The following CNOT9 variants were observed in gnomAD, a reference collection of about 807,000 sequenced individuals.
CNOT9 encodes the protein CCR4-NOT transcription complex subunit 9.
A neutral mutation model predicts 37.4 loss-of-function variants in CNOT9; 8 were observed. That is an observed-to-expected ratio of 0.21 (90% CI 0.13 to 0.39). The LOEUF is 0.39. CNOT9 is among the 10% of genes least tolerant of loss of function. The pLI is 1.00. For synonymous variants in CNOT9, 120 were observed against 137.6 expected (o/e 0.87, Z 0.90); for missense variants, 154 against 365.3 (o/e 0.42, Z 4.71).
At chr2:218,583,824 C>T (rs1480578385) in intron 3 of CNOT9, among the ~76,000 whole-genome samples, 1 of 152,134 alleles carries the variant, frequency 6.6e-6, no homozygotes, top group Admixed American at 6.6e-5. Context: ...AAATCTTGGG[C>T]GTTGGCTCTT....
intron 5 of CNOT9, among the ~76,000 whole-genome samples, chr2:218,590,108 C>G (rs1694724999): frequency 6.6e-6 from 1 of 151,916 alleles, no homozygotes; most frequent in South Asian, 2.1e-4. Context: ...CACTCTGTCA[C>G]CCAGGCTGGA....
chr2:218,594,482 C>T lies in CNOT9; in HGVS notation c.*206C>T, dbSNP rs1164471447. The T allele has an allele frequency of 3.5e-6, 2 of 576,598 alleles. No individual in the cohort carries two copies. Among genetic ancestry groups the T allele is most frequent in the Non-Finnish European group, 6.0e-6 (2 of 332,362 alleles). 35.7% of individuals were successfully genotyped at this position (576,598 alleles called of 1,614,324 possible). On this transcript the variant is annotated 3_prime_UTR_variant, in exon 8 of 8. Coordinates refer to ENST00000273064, the MANE Select transcript of CNOT9 (RefSeq NM_005444.3). ...AGGACCTGGGCTCCCTCTGCTACTC[C>T]CAGGAAATGGGCTCCTGACACAGCA... is the stretch of plus-strand genomic sequence containing the variant.
chr2:218,580,931 A>C (rs1694350124), intron 2 of CNOT9, 191 bp downstream of exon 2: 1 of 674,818 alleles, frequency 1.5e-6, no homozygotes, highest in East Asian at 2.9e-5. Flanking sequence ...CAAGAGATTC[A>C]ATTTAGTCAG....
chr2:218,585,080 T>G (rs1016799784), intron 4 of CNOT9, among the ~76,000 whole-genome samples: 1 of 152,048 alleles, frequency 6.6e-6, no homozygotes, highest in Non-Finnish European at 1.5e-5. Flanking sequence ...CTCTCTTCTC[T>G]TCTCTTCTTT....
At position 218,575,431 on chromosome 2, in the gene CNOT9, G is replaced by C. The variant is rs571012849; in HGVS notation, c.25-5130G>C. On this transcript the variant is annotated intron_variant, in intron 1 of 7. Transcript: ENST00000273064. ...AGATGAGTCTTGCTCTGTAGCTCAG[G>C]CTGGAGTACAGTGGCTCAGGCTGGA... Among the ~76,000 whole-genome samples the C allele has an allele frequency of 3.1e-3, 462 of 147,824 alleles. 1 individual carries two copies. The highest frequency in any genetic ancestry group is 0.011 in the African/African-American group (444 of 39,770).
chr2:218,581,173 T>C (rs1694363316), intron 2 of CNOT9: 76 of 235,726 alleles, frequency 3.2e-4, no homozygotes, highest in Non-Finnish European at 4.6e-4. Flanking sequence ...TGTTTTTCTT[T>C]TTTTTTTTTT....
At chr2:218,593,812 C>A in intron 7 of CNOT9, 1 of 1,230,894 alleles carries the variant, frequency 8.1e-7, no homozygotes, top group East Asian at 2.8e-5. Context: ...AGTATTTTGA[C>A]AGTATTTAAT....
chr2:218,587,778 AG>A, intron 5 of CNOT9, 83 bp downstream of exon 5: 1 of 592,360 alleles, frequency 1.7e-6, no homozygotes, highest in Non-Finnish European at 2.7e-6. Flanking sequence ...TCTCTCTTCA[AG>A]CTTTTGAAAT....
chr2:218,568,897 AG>A lies in CNOT9; in HGVS notation c.-52del, dbSNP rs2106072774. On this transcript the variant is annotated 5_prime_UTR_variant, in exon 1 of 8. Transcript: ENST00000273064. ...TTGTTTTCCGCTGCAGGGGTGCTGAAGGGGGGACGCGGGTCGGACGCGTCCG... is the reference window on the plus strand; with the variant it reads ...TTGTTTTCCGCTGCAGGGGTGCTGAAGGGGGACGCGGGTCGGACGCGTCCG... The A allele has an allele frequency of 1.9e-6, 3 of 1,583,352 alleles. No homozygotes were observed. The highest frequency in any genetic ancestry group is 1.7e-6 in the Non-Finnish European group (2 of 1,163,088).
chr2:218,594,197 G>T lies in CNOT9; in HGVS notation c.821G>T (p.Arg274Leu). The change falls in exon 8 of 8, where the codon CGC (arginine) becomes CTC (leucine). Residue 274 changes from arginine (R) to leucine (L), a missense_variant. By Grantham distance (102) the Arg-to-Leu change is moderately radical (BLOSUM62 -2). Around this residue, in one of 2 missense-constraint regions of CNOT9, gnomAD observed 117 missense variants for 325.4 expected, o/e 0.36. Coordinates refer to ENST00000273064, the MANE Select transcript of CNOT9 (RefSeq NM_005444.3). ...CTAAAAGATGACACCACCACGAAAC[G>T]CTGGCTTGCACAACTGGTGAAGAAC... ...QVLKDDTTTK[R>L]WLAQLVKNLQ... The T allele has an allele frequency of 6.2e-7, 1 of 1,614,228 alleles. No homozygotes were observed.
chr2:218,574,572 A>T (rs1234195736), intron 1 of CNOT9, among the ~76,000 whole-genome samples: 1 of 152,214 alleles, frequency 6.6e-6, no homozygotes, highest in Non-Finnish European at 1.5e-5. Context: ...AGAGAAGTAG[A>T]GTTTCAGTCT....
chr2:218,581,170 CTTTTT>C (rs5838702), intron 2 of CNOT9: 29 of 246,016 alleles, frequency 1.2e-4, no homozygotes, highest in South Asian at 1.8e-4. Context: ...GTTTGTTTTT[CTTTTT>C]TTTTTTTTTT....
chr2:218,594,062 G>C (rs971706413), intron 7 of CNOT9, 46 bp from the exon 8 acceptor site: 2 of 1,595,054 alleles, frequency 1.3e-6, no homozygotes. Flanking sequence ...CAAAATGTGG[G>C]TTTATTTGTT....
chr2:218,592,900 T>C lies in CNOT9; in HGVS notation c.731+193T>C, dbSNP rs749100073. On this transcript the variant is annotated intron_variant, in intron 7 of 7. Transcript: ENST00000273064. This position sits in a 1 kb window ranked among gnomAD's most constrained non-coding sequence, Gnocchi z 4.1. Reference sequence around the variant, plus strand: ...TTTAGTAGCCATCAGTTTCATCTTCTCACTGTAACTCTCCATCCTACTGTG... The same window carrying C: ...TTTAGTAGCCATCAGTTTCATCTTCCCACTGTAACTCTCCATCCTACTGTG... The C allele has an allele frequency of 2.2e-5, 13 of 583,160 alleles. No individual in the cohort carries two copies. The highest frequency in any genetic ancestry group is 4.6e-4 in the Middle Eastern group (1 of 2,180). 36.1% of individuals were successfully genotyped at this position (583,160 alleles called of 1,614,324 possible).
intron 7 of CNOT9, chr2:218,593,610 A>T (rs1166125504): frequency 2.8e-6 from 4 of 1,452,464 alleles, no homozygotes; most frequent in Non-Finnish European, 2.7e-6. Context: ...CTGCTACCAT[A>T]GTTTTGTTTT....
At chr2:218,578,325 A>G (rs1694241099) in intron 1 of CNOT9, among the ~76,000 whole-genome samples, 1 of 152,246 alleles carries the variant, frequency 6.6e-6, no homozygotes, top group Non-Finnish European at 1.5e-5. Flanking sequence ...AAATAAAGCT[A>G]AAAACTTACA....
chr2:218,586,927 A>G (rs1694614331), intron 4 of CNOT9, among the ~76,000 whole-genome samples: 1 of 152,228 alleles, frequency 6.6e-6, no homozygotes, highest in Non-Finnish European at 1.5e-5. Flanking sequence ...AGGAACTAGA[A>G]TATCCAAACA....
intron 5 of CNOT9, among the ~76,000 whole-genome samples, chr2:218,591,595 TAGCC>T (rs1694778445): frequency 6.6e-6 from 1 of 151,858 alleles, no homozygotes; most frequent in Admixed American, 6.6e-5. Flanking sequence ...ATACCAAAAT[TAGCC>T]AGGCATGGTG....
chr2:218,585,864 A>G (rs1694577610), intron 4 of CNOT9, among the ~76,000 whole-genome samples: 1 of 151,752 alleles, frequency 6.6e-6, no homozygotes. Context: ...CTTGTCTCAA[A>G]CTTCTGGGCT....
Sources: gnomAD v4.1 joint callset for allele counts (sites outside exome capture counted in the v4.1 genomes callset) on GRCh38, gnomAD v4.1.1 for gene constraint, gnomAD v4.1.1 regional missense constraint, Gnocchi (gnomAD v3.1) non-coding constraint, MANE v1.5 for transcripts, NCBI Gene and HGNC (gene_info 2026-07-23, HGNC 2026-07-21) for gene names.